Variants in NPHS1 observed in about 807,000 individuals in gnomAD.
NPHS1 encodes the protein NPHS1 adhesion molecule, nephrin, also known as nephrin.
NPHS1 carries 107 observed loss-of-function variants against 139.7 expected under a neutral mutation model. The ratio of observed to expected loss-of-function variants is 0.77; its 90% CI spans 0.66 to 0.90. The LOEUF is 0.90. Ranked by LOEUF, NPHS1 falls within the 40% of genes least tolerant of loss-of-function variation. The pLI is 0.00. For synonymous variants in NPHS1, 707 were observed against 706.6 expected (o/e 1.00, Z -0.01); for missense variants, 1,580 against 1,654.2 (o/e 0.96, Z 0.78).
At chr19:35,832,431 C>T (rs1331795090) in intron 23 of NPHS1, among the ~76,000 whole-genome samples, 1 of 152,022 alleles carries the variant, frequency 6.6e-6, no homozygotes, top group Non-Finnish European at 1.5e-5. Context: ...ATAGTCCCAG[C>T]TACTCGGGAC....
rs976105039 is a variant in NPHS1, at chr19:35,848,785, C to G, written c.1022G>C (p.Ser341Thr). 1 of 1,614,158 alleles carries G rather than the reference C, an allele frequency of 6.2e-7. No homozygotes were observed. Among genetic ancestry groups the G allele is most frequent in the Non-Finnish European group, 8.5e-7 (1 of 1,180,040 alleles). The change falls in exon 9 of 29, where the codon AGT becomes ACT. Residue 341 changes from serine (S) to threonine (T), a missense_variant. Physicochemically the swap from Ser to Thr is moderately conservative, Grantham distance 58. Coordinates refer to ENST00000378910, the MANE Select transcript of NPHS1 (RefSeq NM_004646.4). ...GITLQVTFPP[S>T]AIIILGSASQ... The stretch of plus-strand genomic sequence containing the variant: ...TGCAGATCCCAAGATAATAATGGCA[C>G]TAGGGGGAACTGCAGGGACAGAGAA...
Position 35,835,757 on chromosome 19 carries a change from G to A in NPHS1, c.3114C>T (p.Leu1038=), listed in dbSNP as rs373756773. 9.9e-6 allele frequency: 16 copies of A among 1,613,454 alleles called. No individual in the cohort carries two copies. The African/African-American group carries it at 1.2e-4, about 12-fold the overall frequency. ...CTTCAGGTTCTCCAGAAGGCTGGTG[G>A]AGACCTGGGGGGTGGATATACAGAT... The part of the protein sequence containing the change: ...GTQLPITTPG[L]HQPSGEPEDQ... The change falls in exon 23 of 29, where the codon CTC becomes CTT. Residue 1038 remains leucine (L), a synonymous_variant. Coordinates refer to ENST00000378910, the MANE Select transcript of NPHS1 (RefSeq NM_004646.4).
At chr19:35,835,836 C>T (rs1599838295) in intron 22 of NPHS1, 75 bp from the exon 23 acceptor site, 23 of 1,337,718 alleles carry the variant, frequency 1.7e-5, no homozygotes, top group Admixed American at 6.8e-5. Flanking sequence ...TCAGCCTCTT[C>T]TTAAGCCTAT....
At chr19:35,827,389 G>A (rs897409340) in intron 28 of NPHS1, among the ~76,000 whole-genome samples, 4 of 151,992 alleles carry the variant, frequency 2.6e-5, no homozygotes, top group Admixed American at 1.3e-4. Context: ...CTTGAGCCCC[G>A]GAGGTCAAGG....
chr19:35,831,008 G>A lies in NPHS1; in HGVS notation c.3481+45C>T, dbSNP rs731934. 0.38 allele frequency: 609,941 copies of A among 1,606,026 alleles called. 122,017 individuals carry two copies. The highest frequency in any genetic ancestry group is 0.66 in the East Asian group (29,389 of 44,816). ...GATCAAGGCACCCAGTCCAGGCGTC[G>A]GGGGTACCTCTGAGTGAGGGAATCC... is the stretch of plus-strand genomic sequence containing the variant. On this transcript the variant is annotated intron_variant, in intron 27 of 28. Coordinates refer to ENST00000378910, the MANE Select transcript of NPHS1 (RefSeq NM_004646.4).
chr19:35,832,914 T>G (rs1972903592), intron 23 of NPHS1, among the ~76,000 whole-genome samples: 1 of 134,162 alleles, frequency 7.5e-6, no homozygotes. Context: ...AAAAAGAGTC[T>G]CACTCTTTCA....
intron 19 of NPHS1, 76 bp from the exon 20 acceptor site, chr19:35,841,942 C>A (rs1973062057): frequency 1.3e-6 from 2 of 1,487,788 alleles, no homozygotes; most frequent in Non-Finnish European, 9.2e-7. Context: ...ATGCATCCAT[C>A]CATTAATGTA....
chr19:35,842,620 T>A, intron 17 of NPHS1, 70 bp from the exon 18 acceptor site: 1 of 1,495,080 alleles, frequency 6.7e-7, no homozygotes, highest in Non-Finnish European at 9.3e-7. Flanking sequence ...AAATTGTCCC[T>A]TCTGTAGCCT....
rs774608816 is a variant in NPHS1, at chr19:35,839,433, G to C, written c.2928-15C>G. On this transcript the variant is annotated splice_polypyrimidine_tract_variant and intron_variant, in intron 21 of 28. Transcript: ENST00000378910. ...GGGCCTCATACCTGCAGGACAGGGG[G>C]ATAGTAAATTCAGGGAAGTGCCCTA... The C allele has an allele frequency of 1.9e-6, 3 of 1,613,892 alleles. No homozygotes were observed. The highest frequency in any genetic ancestry group is 2.7e-5 in the African/African-American group (2 of 74,906).
chr19:35,849,022 G>A lies in NPHS1; in HGVS notation c.966C>T (p.Ser322=), dbSNP rs747512201. ...GAQLSCEAHN[S]VSAGTQEHGI... is the part of the protein sequence containing the mutation. ...CGTGCTCCTGGGTCCCTGCAGACAC[G>A]CTGTTGTGGGCCTCGCAGCTGAGCT... Residue 322 remains serine (S), a synonymous_variant, in exon 8 of 29, where the codon AGC becomes AGT. Transcript: ENST00000378910. The A allele has an allele frequency of 5.1e-5, 83 of 1,612,044 alleles. No individual in the cohort carries two copies. The highest frequency in any genetic ancestry group is 6.4e-5 in the Non-Finnish European group (75 of 1,180,032).
intron 9 of NPHS1, 31 bp downstream of exon 9, chr19:35,848,606 C>A: frequency 6.2e-7 from 1 of 1,612,188 alleles, no homozygotes; most frequent in Non-Finnish European, 8.5e-7. Flanking sequence ...CCCCTCCATG[C>A]TCAGACCCAG....
chr19:35,826,862 A>G (rs967727615), intron 28 of NPHS1, among the ~76,000 whole-genome samples: 1 of 152,248 alleles, frequency 6.6e-6, no homozygotes, highest in Non-Finnish European at 1.5e-5. Context: ...CAGGCTGGGC[A>G]CGGTAGCTCA....
intron 28 of NPHS1, among the ~76,000 whole-genome samples, chr19:35,829,385 C>A (rs1471711187): frequency 6.6e-6 from 1 of 152,068 alleles, no homozygotes; most frequent in Non-Finnish European, 1.5e-5. Context: ...ATATTTTTTC[C>A]CTTTCTTTTT....
chr19:35,834,581 C>T (rs571841706), intron 23 of NPHS1, among the ~76,000 whole-genome samples: 1 of 151,148 alleles, frequency 6.6e-6, no homozygotes, highest in East Asian at 1.9e-4. Context: ...TCACTCCAGG[C>T]AAGAGGAAGA....
chr19:35,849,202 TC>T, intron 7 of NPHS1, 33 bp downstream of exon 7: 2 of 1,613,306 alleles, frequency 1.2e-6, no homozygotes, highest in Non-Finnish European at 1.7e-6. Context: ...GACCCCACTG[TC>T]CCCCCATTCC....
rs372069596 is a variant in NPHS1, at chr19:35,848,385, C to A, written c.1183G>T (p.Gly395Cys). 1 of 1,614,104 alleles carries A rather than the reference C, an allele frequency of 6.2e-7. No individual in the cohort carries two copies. The highest frequency in any genetic ancestry group is 8.5e-7 in the Non-Finnish European group (1 of 1,180,012). The change falls in exon 10 of 29, where the codon GGT (glycine) becomes TGT (cysteine). Residue 395 changes from glycine (G) to cysteine (C), a missense_variant. By Grantham distance (159) the Gly-to-Cys change is radical. Transcript: ENST00000378910. ...EETVMDGLHG[G>C]HISMSNLTFL... ...GTCAGGTTGGACATGGAGATGTGAC[C>A]GCCATGCAGTCCCTGGCAGGGAGTG...
chr19:35,835,106 A>G (rs540712823), intron 23 of NPHS1, among the ~76,000 whole-genome samples: 56 of 150,402 alleles, frequency 3.7e-4, no homozygotes, highest in Admixed American at 1.1e-3. Context: ...AGGCTAAGGC[A>G]AAAGAATCGC....
chr19:35,844,115 G>A lies in NPHS1; in HGVS notation c.2200C>T (p.Leu734=), dbSNP rs1568453868. The A allele has an allele frequency of 6.2e-7, 1 of 1,607,904 alleles. No homozygotes were observed. Among genetic ancestry groups the A allele is most frequent in the Admixed American group, 1.7e-5 (1 of 60,012 alleles). ...GGGCGGGGCTCACAGTGCACGTCCAGCCGCAGCCGCGCTTCCGCGGTGCCC... is the reference window on the plus strand; with the variant it reads ...GGGCGGGGCTCACAGTGCACGTCCAACCGCAGCCGCGCTTCCGCGGTGCCC... ...SEGTAEARLR[L]DVHYAPTIRA... is the part of the protein sequence containing the mutation. Residue 734 remains leucine, a synonymous_variant, in exon 16 of 29, where the codon CTG becomes TTG. Transcript: ENST00000378910.
Position 35,831,151 on chromosome 19 carries a change from T to TC in NPHS1, c.3388-6dup. The TC allele has an allele frequency of 6.2e-7, 1 of 1,613,772 alleles. No individual in the cohort carries two copies. The highest frequency in any genetic ancestry group is 8.5e-7 in the Non-Finnish European group (1 of 1,179,948). On this transcript the variant is annotated splice_region_variant and splice_polypyrimidine_tract_variant and intron_variant, in intron 26 of 28. Coordinates refer to ENST00000378910, the MANE Select transcript of NPHS1 (RefSeq NM_004646.4). The stretch of plus-strand genomic sequence containing the variant: ...CTCTGCCTCTGTTGTGCTGACCTGT[T>TC]CCCCACACGCAAAACAAACAAAGCC...
Sources: gnomAD v4.1 joint callset for allele counts (sites outside exome capture counted in the v4.1 genomes callset) on GRCh38, gnomAD v4.1.1 for gene constraint, MANE v1.5 for transcripts, NCBI Gene and HGNC (gene_info 2026-07-23, HGNC 2026-07-21) for gene names.